Variants in PTPRD observed in about 807,000 individuals in gnomAD.
PTPRD encodes the protein receptor-type tyrosine-protein phosphatase delta.
A neutral mutation model predicts 214.5 loss-of-function variants in PTPRD; 34 were observed. The observed-to-expected ratio is 0.16, with a 90% CI of 0.12 to 0.21. The LOEUF (loss-of-function observed/expected upper bound fraction) is 0.21, where lower values mean the gene tolerates loss of function less well. Ranked by LOEUF, PTPRD falls within the 10% of genes least tolerant of loss-of-function variation. PTPRD has a pLI of 1.00. For missense variants in PTPRD, 2,545 were observed against 2,398.7 expected, an observed-to-expected ratio of 1.06 and a Z score of -1.27; for synonymous variants, 1,128 against 845.7, an observed-to-expected ratio of 1.33 and a Z score of -5.79.
chr9:8,691,223 GA>G (rs1456192969), intron 12 of PTPRD, among the ~76,000 whole-genome samples: 1 of 150,432 alleles, frequency 6.6e-6, no homozygotes, highest in South Asian at 2.1e-4. Flanking sequence ...AGGGAGAAGA[GA>G]AAAAAAAAGA....
chr9:8,670,925 G>T (rs986949998), intron 12 of PTPRD, among the ~76,000 whole-genome samples: 4 of 152,180 alleles, frequency 2.6e-5, no homozygotes, highest in Non-Finnish European at 2.9e-5. Context: ...AAGACAGATT[G>T]AAGGGAAGTA....
At chr9:8,949,133 A>T (rs1436902301) in intron 11 of PTPRD, among the ~76,000 whole-genome samples, 2 of 151,464 alleles carry the variant, frequency 1.3e-5, no homozygotes, top group South Asian at 4.2e-4. Context: ...CTGAGGCAGG[A>T]GAATCGCTTG....
intron 3 of PTPRD, among the ~76,000 whole-genome samples, chr9:10,180,569 G>C (rs1444369501): frequency 7.5e-6 from 1 of 132,830 alleles, no homozygotes; most frequent in Non-Finnish European, 1.6e-5. Flanking sequence ...ATTAATGATA[G>C]TAATTTAACT....
intron 8 of PTPRD, among the ~76,000 whole-genome samples, chr9:9,451,032 C>T (rs147808254): frequency 6.7e-6 from 1 of 149,416 alleles, no homozygotes; most frequent in Non-Finnish European, 1.5e-5. Context: ...CATCACTGAG[C>T]TAGCAAGACA....
intron 3 of PTPRD, among the ~76,000 whole-genome samples, chr9:10,095,281 C>G (rs953245657): frequency 2.0e-5 from 3 of 151,294 alleles, no homozygotes; most frequent in African/African-American, 7.3e-5. Context: ...TAAAAGTACC[C>G]AATATCCCAT....
rs76590344 is a variant in PTPRD at position 8,586,609 on chromosome 9, A to G, written c.352+46708T>C. Among the ~76,000 whole-genome samples the G allele has an allele frequency of 1.0e-3, 159 of 152,278 alleles. 1 individual carries two copies. In the East Asian group the frequency reaches 0.025, roughly 24 times the overall value. On this transcript the variant is annotated intron_variant, in intron 14 of 45. Coordinates refer to ENST00000381196, the MANE Select transcript of PTPRD (RefSeq NM_002839.4). ...CCCCCACAACACAGTATGACTTTTC[A>G]TATGGGTAAATCAAGATGAGAATCC...
intron 9 of PTPRD, among the ~76,000 whole-genome samples, chr9:9,251,220 G>A (rs2099975351): frequency 6.6e-6 from 1 of 152,044 alleles, no homozygotes; most frequent in Non-Finnish European, 1.5e-5. Context: ...ATCCAAGCCA[G>A]GTTGCCTTGC....
rs190628229 is a variant in PTPRD, at chr9:10,327,362, A to G, written c.-545+13601T>C. ...ATCATTTATCATTTGTTGGGCTAAC[A>G]TAAGTATTTGAGATAAATTGATCAT... On this transcript the variant is annotated intron_variant, in intron 3 of 45. Transcript: ENST00000381196. 8.7e-3 allele frequency among the ~76,000 whole-genome samples: 1,317 copies of G among 151,624 alleles called. 13 individuals carry two copies. The highest frequency in any genetic ancestry group is 0.014 in the Non-Finnish European group (941 of 67,660).
intron 6 of PTPRD, among the ~76,000 whole-genome samples, chr9:9,757,799 T>C (rs2098601925): frequency 6.6e-6 from 1 of 152,094 alleles, no homozygotes; most frequent in Non-Finnish European, 1.5e-5. Context: ...TCCAAAAATA[T>C]GTATATACTT....
intron 5 of PTPRD, among the ~76,000 whole-genome samples, chr9:9,888,962 A>G (rs1371149400): frequency 6.6e-6 from 1 of 152,192 alleles, no homozygotes; most frequent in Non-Finnish European, 1.5e-5. Flanking sequence ...ACCCAAAAGT[A>G]TGCTGAAAAA....
At chr9:10,141,065 A>G (rs956183031) in intron 3 of PTPRD, among the ~76,000 whole-genome samples, 8 of 152,178 alleles carry the variant, frequency 5.3e-5, no homozygotes, top group South Asian at 2.1e-4. Context: ...CATGCTAAAA[A>G]TTCTCAATAA....
intron 9 of PTPRD, among the ~76,000 whole-genome samples, chr9:9,281,387 T>C (rs1447758927): frequency 6.6e-6 from 1 of 151,154 alleles, no homozygotes; most frequent in Admixed American, 6.6e-5. Flanking sequence ...CAAACAACTT[T>C]TAAAATTCAA....
chr9:10,130,097 T>A (rs1290455662), intron 3 of PTPRD, among the ~76,000 whole-genome samples: 1 of 151,980 alleles, frequency 6.6e-6, no homozygotes, highest in African/African-American at 2.4e-5. Context: ...ACACCCTCAA[T>A]GGCTCCCATT....
intron 7 of PTPRD, among the ~76,000 whole-genome samples, chr9:9,584,858 A>G (rs889155561): frequency 2.0e-5 from 3 of 151,720 alleles, no homozygotes; most frequent in Non-Finnish European, 4.4e-5. Flanking sequence ...TTCAAGCTTT[A>G]TTTTCTTCTT....
At chr9:8,484,920 A>T (rs953453826) in intron 29 of PTPRD, among the ~76,000 whole-genome samples, 6 of 152,216 alleles carry the variant, frequency 3.9e-5, no homozygotes, top group African/African-American at 1.4e-4. Context: ...ATAGGTAGAA[A>T]CCATGTAAAT....
At chr9:10,223,192 C>A (rs1256996885) in intron 3 of PTPRD, among the ~76,000 whole-genome samples, 1 of 151,764 alleles carries the variant, frequency 6.6e-6, no homozygotes, top group East Asian at 1.9e-4. Flanking sequence ...TCCCCTCCTT[C>A]CCCTTCTCTT....
rs142332131 is a variant in PTPRD, at chr9:9,364,509, A to G, written c.-203+32940T>C. Among the ~76,000 whole-genome samples, 5 of 151,552 alleles carry G rather than the reference A, an allele frequency of 3.3e-5. No individual in the cohort carries two copies. In the East Asian group the frequency reaches 5.9e-4, roughly 18 times the overall value. The stretch of plus-strand genomic sequence containing the variant: ...ATATTTGAGCAAATTGTTGAATGGT[A>G]TGAGGCAGCTATCCCTGCACATATA... On this transcript the variant is annotated intron_variant, in intron 9 of 45. Transcript: ENST00000381196.
At chr9:8,682,729 A>G (rs185508857) in intron 12 of PTPRD, among the ~76,000 whole-genome samples, 10 of 152,284 alleles carry the variant, frequency 6.6e-5, no homozygotes, top group Non-Finnish European at 1.5e-4. Flanking sequence ...GGGAGGTCTG[A>G]GTATATTTTC....
chr9:9,138,097 A>G (rs2099853848), intron 10 of PTPRD, among the ~76,000 whole-genome samples: 1 of 152,148 alleles, frequency 6.6e-6, no homozygotes, highest in African/African-American at 2.4e-5. Context: ...CCTATGATAG[A>G]CCAGAGCAGA....
Sources: allele counts gnomAD v4.1 joint callset (sites outside exome capture counted in the v4.1 genomes callset), GRCh38; gene constraint gnomAD v4.1.1; transcripts MANE v1.5; gene names NCBI Gene and HGNC (gene_info 2026-07-23, HGNC 2026-07-21).